GALNTL6: variants seen among roughly 807,000 people sequenced by gnomAD.
GALNTL6 encodes the protein polypeptide N-acetylgalactosaminyltransferase like 6.
In GALNTL6, 46 loss-of-function variants were observed where a neutral mutation model predicts 73.7. The ratio of observed to expected loss-of-function variants is 0.62; its 90% CI spans 0.49 to 0.80. The LOEUF (loss-of-function observed/expected upper bound fraction) is 0.80, where lower values mean the gene tolerates loss of function less well. GALNTL6 is among the 30% of genes least tolerant of loss of function. The probability of loss-of-function intolerance (pLI) is 0.00; values close to 1 mark genes in which losing one functional copy is unlikely to be tolerated. For synonymous variants in GALNTL6, 259 were observed against 263.7 expected, an observed-to-expected ratio of 0.98 and a Z score of 0.17; for missense variants, 604 against 755.0, an observed-to-expected ratio of 0.80 and a Z score of 2.34.
At chr4:172,277,509 G>A (rs1561002527) in intron 3 of GALNTL6, among the ~76,000 whole-genome samples, 1 of 152,150 alleles carries the variant, frequency 6.6e-6, no homozygotes, top group Non-Finnish European at 1.5e-5. Flanking sequence ...GAATAATCTA[G>A]AGTCAATAGG....
At chr4:172,472,051 A>G (rs927337674) in intron 5 of GALNTL6, among the ~76,000 whole-genome samples, 1 of 152,214 alleles carries the variant, frequency 6.6e-6, no homozygotes, top group African/African-American at 2.4e-5. Flanking sequence ...TTAATCTGCT[A>G]TAGTACAACA....
intron 2 of GALNTL6, among the ~76,000 whole-genome samples, chr4:172,144,600 G>C (rs1333541853): frequency 1.3e-5 from 2 of 152,288 alleles, no homozygotes; most frequent in East Asian, 3.9e-4. Flanking sequence ...ATATTGTGAA[G>C]TTCTATGAAG....
At chr4:172,634,890 G>T (rs1003371277) in intron 5 of GALNTL6, among the ~76,000 whole-genome samples, 4 of 151,892 alleles carry the variant, frequency 2.6e-5, no homozygotes, top group Non-Finnish European at 4.4e-5. Flanking sequence ...TATACAAAAG[G>T]CACTAAAAGA....
In GALNTL6 at chr4:172,373,686, T is replaced by C. The variant is rs1328886849; in HGVS notation, c.553+24997T>C. Among the ~76,000 whole-genome samples, 3 of 152,156 alleles carry C rather than the reference T, an allele frequency of 2.0e-5. No homozygotes were observed. In the East Asian group the frequency reaches 5.8e-4, roughly 29 times the overall value. On this transcript the variant is annotated intron_variant, in intron 5 of 12. Transcript: ENST00000506823. ...CAAATGGGTAACTTGTCCCCTATAT[T>C]CATGTAGATAATAGCTCCACCTAAT...
At chr4:172,159,578 G>T (rs1734390211) in intron 2 of GALNTL6, among the ~76,000 whole-genome samples, 1 of 152,156 alleles carries the variant, frequency 6.6e-6, no homozygotes, top group Non-Finnish European at 1.5e-5. Flanking sequence ...GGAACAGCAT[G>T]TTATGACCTT....
At chr4:172,342,002 A>G (rs1018771620) in intron 4 of GALNTL6, among the ~76,000 whole-genome samples, 3 of 152,126 alleles carry the variant, frequency 2.0e-5, no homozygotes, top group Non-Finnish European at 4.4e-5. Context: ...TGCAAAACCA[A>G]TATAGGAATA....
At chr4:172,928,423 A>T (rs1748169731) in intron 8 of GALNTL6, among the ~76,000 whole-genome samples, 1 of 152,220 alleles carries the variant, frequency 6.6e-6, no homozygotes, top group African/African-American at 2.4e-5. Context: ...GCATTACATG[A>T]AATAATTAAT....
chr4:172,998,596 T>C (rs938905598), intron 10 of GALNTL6, among the ~76,000 whole-genome samples: 22 of 152,154 alleles, frequency 1.4e-4, no homozygotes, highest in African/African-American at 5.3e-4. Context: ...CCTTCATTCA[T>C]GAAACCACAG....
At chr4:172,301,953 C>T (rs1185273587) in intron 3 of GALNTL6, among the ~76,000 whole-genome samples, 3 of 152,216 alleles carry the variant, frequency 2.0e-5, no homozygotes, top group Non-Finnish European at 4.4e-5. Flanking sequence ...TTTGGCTATG[C>T]CCTGCTCCCA....
chr4:172,856,520 CA>C (rs1744128678), intron 7 of GALNTL6, among the ~76,000 whole-genome samples: 1 of 152,116 alleles, frequency 6.6e-6, no homozygotes, highest in African/African-American at 2.4e-5. Flanking sequence ...CACAAGAAGT[CA>C]GGGCCATAAT....
Position 172,708,120 on chromosome 4 carries a change from G to A in GALNTL6, c.554-101241G>A, listed in dbSNP as rs1027703206. The stretch of plus-strand genomic sequence containing the variant: ...GGCTAGAGTGCAGTGGCACAATCTC[G>A]ACTCACTGCAACCTCTGCCTCCTGG... On this transcript the variant is annotated intron_variant, in intron 5 of 12. Transcript: ENST00000506823. Among the ~76,000 whole-genome samples, 31 of 152,068 alleles carry A rather than the reference G, an allele frequency of 2.0e-4. 1 individual carries two copies. The highest frequency in any genetic ancestry group is 1.0e-3 in the South Asian group (5 of 4,824).
At chr4:172,988,020 C>T (rs1012260004) in intron 10 of GALNTL6, among the ~76,000 whole-genome samples, 16 of 152,096 alleles carry the variant, frequency 1.1e-4, no homozygotes, top group African/African-American at 3.9e-4. Context: ...GGGAGTGGGG[C>T]ATTGCTATAA....
At chr4:172,925,181 T>G (rs1003548652) in intron 8 of GALNTL6, among the ~76,000 whole-genome samples, 5 of 151,810 alleles carry the variant, frequency 3.3e-5, no homozygotes, top group Admixed American at 6.6e-5. Flanking sequence ...TTATGTTTTT[T>G]TTTTTTTTTA....
At chr4:172,591,181 G>A (rs1197464332) in intron 5 of GALNTL6, among the ~76,000 whole-genome samples, 1 of 152,072 alleles carries the variant, frequency 6.6e-6, no homozygotes, top group Non-Finnish European at 1.5e-5. Context: ...TTAACTTTGA[G>A]AAATTAAAGT....
chr4:172,815,541 A>AG (rs1412146759), intron 7 of GALNTL6, among the ~76,000 whole-genome samples: 1 of 152,188 alleles, frequency 6.6e-6, no homozygotes, highest in Non-Finnish European at 1.5e-5. Context: ...GTGATAGCAG[A>AG]GTAGGGGTCC....
At position 172,999,952 on chromosome 4, in the gene GALNTL6, T is replaced by C. The variant is rs553448349; in HGVS notation, c.1372-9226T>C. On this transcript the variant is annotated intron_variant, in intron 10 of 12. Transcript: ENST00000506823. ...TTGTTCTCAAAAACATTTAATGATC[T>C]TTTTGCCAACAGAACAAGGTCTAAA... Among the ~76,000 whole-genome samples the C allele has an allele frequency of 2.0e-5, 3 of 152,232 alleles. No homozygotes were observed. The South Asian group carries it at 6.2e-4, about 32-fold the overall frequency.
intron 5 of GALNTL6, among the ~76,000 whole-genome samples, chr4:172,751,033 C>A (rs1411120527): frequency 1.3e-5 from 2 of 152,080 alleles, no homozygotes; most frequent in African/African-American, 4.8e-5. Context: ...GATATCAGAA[C>A]TGAAACTACC....
At position 172,952,146 on chromosome 4, in the gene GALNTL6, A is replaced by C; in HGVS notation, c.1259A>C (p.Glu420Ala). 6.2e-7 allele frequency: 1 copy of C among 1,614,070 alleles called. No homozygotes were observed. The highest frequency in any genetic ancestry group is 8.5e-7 in the Non-Finnish European group (1 of 1,179,976). Residue 420 changes from glutamate (E) to alanine (A), a missense_variant, in exon 10 of 13, where the codon GAG (glutamate) becomes GCG (alanine). Transcript: ENST00000506823. ...LSTGDISAQK[E>A]LRKQLKCKDF... ...ACGGGGGACATCTCTGCCCAGAAGG[A>C]GCTGCGCAAGCAGCTCAAGTGCAAG... is the stretch of plus-strand genomic sequence containing the variant.
intron 3 of GALNTL6, among the ~76,000 whole-genome samples, chr4:172,275,902 A>G (rs1291586585): frequency 6.6e-6 from 1 of 152,218 alleles, no homozygotes; most frequent in Non-Finnish European, 1.5e-5. Flanking sequence ...GGTTGCAGTG[A>G]GCCAAGTTTG....
Sources: allele counts gnomAD v4.1 joint callset (sites outside exome capture counted in the v4.1 genomes callset), GRCh38; gene constraint gnomAD v4.1.1; transcripts MANE v1.5; gene names NCBI Gene and HGNC (gene_info 2026-07-23, HGNC 2026-07-21).